Variants in PNLIPRP3 observed in about 807,000 individuals in gnomAD.
PNLIPRP3 encodes pancreatic lipase-related protein 3.
Under a neutral mutation model 52.8 loss-of-function variants are expected in PNLIPRP3, and 58 were observed. That is an observed-to-expected ratio of 1.10 (90% CI 0.89 to 1.37). The LOEUF (loss-of-function observed/expected upper bound fraction) is 1.37, where lower values mean the gene tolerates loss of function less well. PNLIPRP3 is among the 40% of genes most tolerant of loss of function. The pLI is 0.00. For missense variants in PNLIPRP3, 593 were observed against 561.6 expected (o/e 1.06, Z -0.57); for synonymous variants, 192 against 185.0 (o/e 1.04, Z -0.31).
At chr10:116,458,774 C>T (rs1846151110) in intron 5 of PNLIPRP3, among the ~76,000 whole-genome samples, 1 of 152,096 alleles carries the variant, frequency 6.6e-6, no homozygotes, top group Non-Finnish European at 1.5e-5. Flanking sequence ...CAGGTCTTGT[C>T]AATAGAAGCG....
chr10:116,446,737 G>GCT (rs1845958340), intron 4 of PNLIPRP3, among the ~76,000 whole-genome samples: 1 of 152,114 alleles, frequency 6.6e-6, no homozygotes, highest in Non-Finnish European at 1.5e-5. Flanking sequence ...TAGTTGAGAG[G>GCT]CTCTTACATC....
chr10:116,459,412 C>T (rs967222361), intron 5 of PNLIPRP3, among the ~76,000 whole-genome samples: 3 of 152,100 alleles, frequency 2.0e-5, no homozygotes, highest in Non-Finnish European at 4.4e-5. Flanking sequence ...ACTCTGCATC[C>T]TTCCCACTCC....
At chr10:116,451,187 C>T (rs1846031400) in intron 4 of PNLIPRP3, among the ~76,000 whole-genome samples, 1 of 152,130 alleles carries the variant, frequency 6.6e-6, no homozygotes, top group African/African-American at 2.4e-5. Flanking sequence ...ATAGGCTCTT[C>T]CTACAACTGG....
chr10:116,461,117 A>G (rs1659718443), intron 6 of PNLIPRP3, 32 bp downstream of exon 6: 2 of 1,614,120 alleles, frequency 1.2e-6, no homozygotes, highest in Non-Finnish European at 1.7e-6. Context: ...AACTTCATTG[A>G]AGCATAGAGG....
chr10:116,476,586 G>T, intron 10 of PNLIPRP3, 66 bp from the exon 11 acceptor site: 1 of 1,290,512 alleles, frequency 7.7e-7, no homozygotes, highest in Non-Finnish European at 1.1e-6. Flanking sequence ...ATACACAGAT[G>T]TGTTTTCTTT....
chr10:116,446,400 T>C (rs1529614), intron 4 of PNLIPRP3, among the ~76,000 whole-genome samples: 132,202 of 149,318 alleles, frequency 0.89, 59,527 homozygotes, highest in Non-Finnish European at 0.97. Context: ...GAAGGGATGT[T>C]CTAATGACCA....
intron 4 of PNLIPRP3, 66 bp downstream of exon 4, chr10:116,444,579 G>A: frequency 6.8e-7 from 1 of 1,477,756 alleles, no homozygotes; most frequent in Non-Finnish European, 9.3e-7. Flanking sequence ...TCAGAAGTTG[G>A]GACAATTTAA....
chr10:116,445,042 T>C (rs571766328), intron 4 of PNLIPRP3, among the ~76,000 whole-genome samples: 1 of 152,350 alleles, frequency 6.6e-6, no homozygotes, highest in East Asian at 1.9e-4. Context: ...AAATGCTTTC[T>C]AAAAAGTAAT....
intron 8 of PNLIPRP3, 57 bp downstream of exon 8, chr10:116,466,225 C>A: frequency 7.7e-7 from 1 of 1,301,104 alleles, no homozygotes; most frequent in Non-Finnish European, 1.1e-6. Context: ...GAAACACAAT[C>A]ATCCAGCTAA....
In PNLIPRP3 at chr10:116,465,261, T is replaced by C. The variant is rs560165964; in HGVS notation, c.809-789T>C. ...ATTGGTTAAAAAACCTTGTTCAGGC[T>C]GGGTGCGGTGGCTCACACCTGCAAT... On this transcript the variant is annotated intron_variant, in intron 7 of 11. Coordinates refer to ENST00000369230, the MANE Select transcript of PNLIPRP3 (RefSeq NM_001011709.3). Among the ~76,000 whole-genome samples the C allele has an allele frequency of 3.3e-5, 5 of 152,128 alleles. No homozygotes were observed. In the South Asian group the frequency reaches 6.2e-4, roughly 19 times the overall value.
chr10:116,445,211 T>C (rs1273377141), intron 4 of PNLIPRP3, among the ~76,000 whole-genome samples: 1 of 152,234 alleles, frequency 6.6e-6, no homozygotes, highest in African/African-American at 2.4e-5. Context: ...ACAGTGTTTC[T>C]GCTCTGACAA....
intron 1 of PNLIPRP3, among the ~76,000 whole-genome samples, chr10:116,431,166 T>C (rs1462614330): frequency 6.6e-6 from 1 of 152,162 alleles, no homozygotes; most frequent in East Asian, 1.9e-4. Context: ...ACCACACCAC[T>C]GCTACCACCC....
At chr10:116,443,663 TA>T in intron 3 of PNLIPRP3, among the ~76,000 whole-genome samples, 1 of 133,286 alleles carries the variant, frequency 7.5e-6, no homozygotes, top group African/African-American at 2.7e-5. Context: ...TTTATATATA[TA>T]ACACATATAT....
rs754101886 is a variant in PNLIPRP3 at position 116,477,132 on chromosome 10, C to G, written c.1383C>G (p.Leu461=). 34 of 1,596,282 alleles carry G rather than the reference C, an allele frequency of 2.1e-5. No homozygotes were observed. In the South Asian group the frequency reaches 2.4e-4, roughly 11 times the overall value. The change falls in exon 12 of 12, where the codon CTC becomes CTG. Residue 461 remains leucine, a synonymous_variant. Transcript: ENST00000369230. ...AAGACATTATGGGACCTAATATTCT[C>G]CAGAACCTGAAACCATGCTAATCTC... The part of the protein sequence containing the change: ...CSQDIMGPNI[L]QNLKPC
intron 3 of PNLIPRP3, 75 bp downstream of exon 3, chr10:116,443,249 T>A: frequency 7.2e-7 from 1 of 1,391,440 alleles, no homozygotes; most frequent in Non-Finnish European, 9.7e-7. Context: ...TTGCAAGGTA[T>A]TGATGTATAT....
At chr10:116,459,678 G>A (rs966455733) in intron 5 of PNLIPRP3, among the ~76,000 whole-genome samples, 5 of 152,182 alleles carry the variant, frequency 3.3e-5, no homozygotes, top group East Asian at 1.9e-4. Context: ...TCTGGAGGCC[G>A]TGTACTTCTC....
At chr10:116,458,371 C>T (rs1846145010) in intron 5 of PNLIPRP3, among the ~76,000 whole-genome samples, 1 of 152,044 alleles carries the variant, frequency 6.6e-6, no homozygotes, top group South Asian at 2.1e-4. Context: ...ATTCTCTTCC[C>T]TTCTGTAGAC....
At chr10:116,454,948 T>C (rs369498008) in intron 4 of PNLIPRP3, among the ~76,000 whole-genome samples, 36 of 152,350 alleles carry the variant, frequency 2.4e-4, no homozygotes, top group African/African-American at 7.0e-4. Flanking sequence ...TTTTAGTTTT[T>C]CAAGGCACCT....
chr10:116,461,543 G>A (rs532228734), intron 7 of PNLIPRP3, among the ~76,000 whole-genome samples: 6 of 152,276 alleles, frequency 3.9e-5, no homozygotes, highest in African/African-American at 9.6e-5. Flanking sequence ...CAAGGAAGGT[G>A]TGTTATTCAC....
Sources: gnomAD v4.1 joint callset for allele counts (sites outside exome capture counted in the v4.1 genomes callset) on GRCh38, gnomAD v4.1.1 for gene constraint, MANE v1.5 for transcripts, NCBI Gene and HGNC (gene_info 2026-07-23, HGNC 2026-07-21) for gene names.